SMYD3: variants seen among roughly 807,000 people sequenced by gnomAD.
The protein encoded by SMYD3 is histone-lysine N-methyltransferase SMYD3.
SMYD3 carries 36 observed loss-of-function variants against 57.7 expected under a neutral mutation model. The ratio of observed to expected loss-of-function variants is 0.62; its 90% CI spans 0.48 to 0.82. The LOEUF is 0.82. SMYD3 is among the 40% of genes least tolerant of loss of function. SMYD3 has a pLI of 0.00. For synonymous variants in SMYD3, 211 were observed against 195.0 expected, an observed-to-expected ratio of 1.08 and a Z score of -0.68; for missense variants, 515 against 538.8, an observed-to-expected ratio of 0.96 and a Z score of 0.44.
chr1:245,963,084 A>G (rs1311755924), intron 5 of SMYD3, among the ~76,000 whole-genome samples: 2 of 152,180 alleles, frequency 1.3e-5, no homozygotes, highest in Middle Eastern at 3.2e-3. Flanking sequence ...TCTGGTATGT[A>G]AGAAGCTTAG....
intron 5 of SMYD3, among the ~76,000 whole-genome samples, chr1:246,238,250 C>T (rs182635161): frequency 2.6e-5 from 4 of 152,202 alleles, no homozygotes; most frequent in African/African-American, 4.8e-5. Flanking sequence ...AGGCTGCACT[C>T]GAACTCCTGA....
At chr1:246,470,315 A>C (rs1410568099) in intron 1 of SMYD3, among the ~76,000 whole-genome samples, 2 of 151,776 alleles carry the variant, frequency 1.3e-5, no homozygotes, top group Non-Finnish European at 2.9e-5. Context: ...ATCATGGCAA[A>C]ACCCTGTCTC....
intron 1 of SMYD3, among the ~76,000 whole-genome samples, chr1:246,378,077 A>T (rs138844342): frequency 2.4e-4 from 37 of 152,236 alleles, no homozygotes; most frequent in African/African-American, 8.9e-4. Flanking sequence ...TGTTCATAGC[A>T]TTTGCATATT....
intron 10 of SMYD3, among the ~76,000 whole-genome samples, chr1:245,789,197 C>A (rs1044057909): frequency 2.0e-5 from 3 of 152,154 alleles, no homozygotes; most frequent in Non-Finnish European, 4.4e-5. Context: ...TTTCGGGGAC[C>A]TGAATTCCTA....
rs780187598 is a variant in SMYD3, at chr1:246,004,534, G to A, written c.532-74597C>T. On this transcript the variant is annotated intron_variant, in intron 5 of 11. Transcript: ENST00000490107. ...TAATGGCCATGAATGACAGCCTCCCGATTACACTGTAACTATGAAACACGA... is the reference window on the plus strand; with the variant it reads ...TAATGGCCATGAATGACAGCCTCCCAATTACACTGTAACTATGAAACACGA... Among the ~76,000 whole-genome samples the A allele has an allele frequency of 5.3e-5, 8 of 152,314 alleles. No individual in the cohort carries two copies. In the South Asian group the frequency reaches 6.2e-4, roughly 12 times the overall value.
chr1:246,224,575 T>C (rs899181217), intron 5 of SMYD3, among the ~76,000 whole-genome samples: 2 of 151,774 alleles, frequency 1.3e-5, no homozygotes, highest in Non-Finnish European at 2.9e-5. Flanking sequence ...ACCTAATTCA[T>C]ATTTTAAAAG....
intron 5 of SMYD3, among the ~76,000 whole-genome samples, chr1:246,301,289 T>C (rs1399468967): frequency 6.6e-6 from 1 of 152,146 alleles, no homozygotes; most frequent in African/African-American, 2.4e-5. Flanking sequence ...AAACATTTAT[T>C]AAGCAATTCA....
At chr1:246,294,024 T>G (rs192435699) in intron 5 of SMYD3, among the ~76,000 whole-genome samples, 26 of 152,286 alleles carry the variant, frequency 1.7e-4, no homozygotes, top group Non-Finnish European at 2.8e-4. Flanking sequence ...TCTCCAGGTT[T>G]TCCTCCCACT....
intron 1 of SMYD3, among the ~76,000 whole-genome samples, chr1:246,461,561 G>A (rs1196234340): frequency 6.6e-6 from 1 of 151,642 alleles, no homozygotes; most frequent in Non-Finnish European, 1.5e-5. Flanking sequence ...TTATCTATTT[G>A]TTTTGCTAGA....
chr1:245,753,956 T>G (rs2045505986), intron 11 of SMYD3, among the ~76,000 whole-genome samples: 1 of 152,200 alleles, frequency 6.6e-6, no homozygotes, highest in South Asian at 2.1e-4. Flanking sequence ...AAATTTTATT[T>G]TTTTTAATGG....
chr1:246,324,340 G>A (rs1265319746), intron 5 of SMYD3, among the ~76,000 whole-genome samples: 1 of 151,290 alleles, frequency 6.6e-6, no homozygotes, highest in African/African-American at 2.4e-5. Context: ...GCTTGAACCC[G>A]GGAGGCGGAG....
intron 5 of SMYD3, among the ~76,000 whole-genome samples, chr1:246,236,068 C>A (rs2148463092): frequency 6.6e-6 from 1 of 152,102 alleles, no homozygotes; most frequent in East Asian, 1.9e-4. Flanking sequence ...AACTTGAGGG[C>A]TCATAAGGCA....
At chr1:245,920,616 T>C (rs1476376214) in intron 7 of SMYD3, among the ~76,000 whole-genome samples, 1 of 152,132 alleles carries the variant, frequency 6.6e-6, no homozygotes, top group Non-Finnish European at 1.5e-5. Flanking sequence ...CTGTTATCTC[T>C]TCCCTGGATT....
intron 8 of SMYD3, among the ~76,000 whole-genome samples, chr1:245,893,435 A>T (rs895291802): frequency 5.9e-5 from 9 of 152,240 alleles, no homozygotes; most frequent in Non-Finnish European, 1.0e-4. Flanking sequence ...GGCTTTGACA[A>T]CCACCAAAAC....
chr1:246,190,088 G>A (rs1048260853), intron 5 of SMYD3, among the ~76,000 whole-genome samples: 8 of 152,098 alleles, frequency 5.3e-5, no homozygotes, highest in African/African-American at 1.7e-4. Context: ...CAGGCTAGTC[G>A]TCCTTAAATG....
intron 5 of SMYD3, among the ~76,000 whole-genome samples, chr1:246,015,008 T>C (rs556400459): frequency 1.2e-4 from 18 of 152,100 alleles, no homozygotes; most frequent in Non-Finnish European, 1.9e-4. Flanking sequence ...CTGAACAGAC[T>C]CCTATCTGCT....
At position 246,248,310 on chromosome 1, in the gene SMYD3, C is replaced by G. The variant is rs528869761; in HGVS notation, c.531+78891G>C. ...ACACACAAGAGAAGTCTTCACAAAA[C>G]ACACGCTGGGCTCTCACACACTCAT... On this transcript the variant is annotated intron_variant, in intron 5 of 11. Transcript: ENST00000490107. Among the ~76,000 whole-genome samples, 128 of 151,820 alleles carry G rather than the reference C, an allele frequency of 8.4e-4. 1 individual carries two copies. Among genetic ancestry groups the G allele is most frequent in the African/African-American group, 3.0e-3 (123 of 41,454 alleles).
chr1:246,179,813 C>T (rs2062504578), intron 5 of SMYD3, among the ~76,000 whole-genome samples: 3 of 152,074 alleles, frequency 2.0e-5, no homozygotes, highest in Admixed American at 6.5e-5. Flanking sequence ...GAGATTTGGA[C>T]CCTCCATCCA....
At chr1:245,916,719 A>G (rs1459126962) in intron 7 of SMYD3, among the ~76,000 whole-genome samples, 1 of 152,110 alleles carries the variant, frequency 6.6e-6, no homozygotes, top group Non-Finnish European at 1.5e-5. Context: ...ATAGTCTCAC[A>G]ACTGGTCTCT....
Sources: gnomAD v4.1 joint callset for allele counts (sites outside exome capture counted in the v4.1 genomes callset) on GRCh38, gnomAD v4.1.1 for gene constraint, MANE v1.5 for transcripts, NCBI Gene and HGNC (gene_info 2026-07-23, HGNC 2026-07-21) for gene names.